Variants in EXOSC4 observed in about 807,000 individuals in gnomAD.
The protein encoded by EXOSC4 is exosome component 4, also known as exosome complex component RRP41.
A neutral mutation model predicts 20.0 loss-of-function variants in EXOSC4; 14 were observed. That is an observed-to-expected ratio of 0.70 (90% CI 0.46 to 1.09). The LOEUF (loss-of-function observed/expected upper bound fraction) is 1.09. Ranked by LOEUF, EXOSC4 falls within the 50% of genes least tolerant of loss-of-function variation. The pLI, the probability that EXOSC4 is intolerant of heterozygous loss-of-function variation, is 0.00. For missense variants in EXOSC4, 337 were observed against 334.0 expected, an observed-to-expected ratio of 1.01 and a Z score of -0.07; for synonymous variants, 148 against 146.4, an observed-to-expected ratio of 1.01 and a Z score of -0.08.
chr8:144,072,381 A>G, the EXOSC4 span, among the ~76,000 whole-genome samples: 1 of 152,162 alleles, frequency 6.6e-6, no homozygotes, highest in African/African-American at 2.4e-5. Context: ...GGATTTCACC[A>G]TGGTGGCCAG....
upstream of EXOSC4, among the ~76,000 whole-genome samples, chr8:144,075,113 A>C (rs1835824675): frequency 6.6e-6 from 1 of 152,126 alleles, no homozygotes; most frequent in Non-Finnish European, 1.5e-5. Context: ...CCCAGGCTGG[A>C]GTGCAGTGGT....
the EXOSC4 span, among the ~76,000 whole-genome samples, chr8:144,067,553 A>G: frequency 6.6e-6 from 1 of 152,244 alleles, no homozygotes. Context: ...CATCACATAT[A>G]AGAGAACCCC....
chr8:144,067,099 A>C, the EXOSC4 span, among the ~76,000 whole-genome samples: 1 of 152,102 alleles, frequency 6.6e-6, no homozygotes, highest in Non-Finnish European at 1.5e-5. Flanking sequence ...AAAACAAAAA[A>C]ACAAAAAAAA....
the EXOSC4 span, among the ~76,000 whole-genome samples, chr8:144,064,406 T>G: frequency 6.6e-6 from 1 of 151,976 alleles, no homozygotes; most frequent in African/African-American, 2.4e-5. Context: ...TCAGGAAGGG[T>G]GGGTGCGTGG....
chr8:144,074,714 G>T (rs1380137945), upstream of EXOSC4, among the ~76,000 whole-genome samples: 2 of 152,138 alleles, frequency 1.3e-5, no homozygotes, highest in Non-Finnish European at 2.9e-5. Context: ...GGAACTACAG[G>T]CGTGTGCCAC....
At chr8:144,067,468 A>C in the EXOSC4 span, among the ~76,000 whole-genome samples, 13 of 152,216 alleles carry the variant, frequency 8.5e-5, no homozygotes, top group Non-Finnish European at 1.2e-4. Context: ...CCAGGAGTTG[A>C]CATATCATGG....
the EXOSC4 span, among the ~76,000 whole-genome samples, chr8:144,066,436 CTTTTTTTTTT>C: frequency 1.0e-5 from 1 of 98,062 alleles, no homozygotes; most frequent in East Asian, 3.0e-4. Context: ...GAGTTTTTCT[CTTTTTTTTTT>C]TTTTTTTTTT....
At chr8:144,072,308 G>A in the EXOSC4 span, among the ~76,000 whole-genome samples, 1 of 152,198 alleles carries the variant, frequency 6.6e-6, no homozygotes, top group Non-Finnish European at 1.5e-5. Context: ...AGCCTCCCAA[G>A]TAACTGGGAT....
chr8:144,078,902 G>T lies in EXOSC4; in HGVS notation c.171+3G>T. ...CTGTGGTCTACGGCCCGCACGAGGC[G>T]AGTGGGCGCGCGGGATGGGGAATCG... On this transcript the variant is annotated splice_donor_region_variant and intron_variant, in intron 1 of 2. Coordinates refer to ENST00000316052, the MANE Select transcript of EXOSC4 (RefSeq NM_019037.3). This position sits in a 1 kb window ranked among gnomAD's most constrained non-coding sequence, Gnocchi z 4.7. 1.4e-6 allele frequency: 2 copies of T among 1,466,954 alleles called. No individual in the cohort carries two copies. Among genetic ancestry groups the T allele is most frequent in the African/African-American group, 1.5e-5 (1 of 68,316 alleles). 90.9% of individuals were successfully genotyped at this position (1,466,954 alleles called of 1,614,324 possible). A position where few individuals can be genotyped will look rare whatever the true frequency, so the allele number is the denominator to read the frequency against.
rs782647207 is a variant in EXOSC4 at position 144,078,785 on chromosome 8, C to T, written c.57C>T (p.Ala19=). The T allele has an allele frequency of 7.7e-6, 12 of 1,551,196 alleles. No individual in the cohort carries two copies. The highest frequency in any genetic ancestry group is 4.2e-5 in the African/African-American group (3 of 71,028). ...GCTACCGGGTGGACGGGCGGCGCGCCGGGGAGCTGCGCAAGATCCAGGCGC... is the reference window on the plus strand; with the variant it reads ...GCTACCGGGTGGACGGGCGGCGCGCTGGGGAGCTGCGCAAGATCCAGGCGC... The part of the protein sequence containing the change: ...DQGYRVDGRR[A]GELRKIQARM... Residue 19 remains alanine, a synonymous_variant, in exon 1 of 3, where the codon GCC becomes GCT. Transcript: ENST00000316052. The surrounding 1 kb of genome is among the most constrained non-coding windows in gnomAD (Gnocchi z 4.7).
At chr8:144,075,365 T>TA (rs1398540731), upstream of EXOSC4, among the ~76,000 whole-genome samples, 1 of 152,158 alleles carries the variant, frequency 6.6e-6, no homozygotes, top group Non-Finnish European at 1.5e-5. Flanking sequence ...TAGCTGGGAC[T>TA]ACAGGTGCCC....
Position 144,078,829 on chromosome 8 carries a change from A to T in EXOSC4, c.101A>T (p.Gln34Leu). 1 of 1,581,350 alleles carries T rather than the reference A, an allele frequency of 6.3e-7. No homozygotes were observed. The highest frequency in any genetic ancestry group is 8.6e-7 in the Non-Finnish European group (1 of 1,166,484). ...KIQARMGVFAQADGSAYIEQG... is the reference protein window; with the variant it reads ...KIQARMGVFALADGSAYIEQG... The stretch of plus-strand genomic sequence containing the variant: ...CAGGCGCGGATGGGCGTGTTCGCGC[A>T]GGCTGACGGCTCGGCCTACATTGAG... Residue 34 changes from glutamine (Q) to leucine (L), a missense_variant, in exon 1 of 3, where the codon CAG becomes CTG. Transcript: ENST00000316052. The surrounding 1 kb of genome is among the most constrained non-coding windows in gnomAD (Gnocchi z 4.7).
At chr8:144,076,378 T>C (rs13254858), upstream of EXOSC4, among the ~76,000 whole-genome samples, 156 of 152,208 alleles carry the variant, frequency 1.0e-3, no homozygotes, top group Non-Finnish European at 2.1e-3. Flanking sequence ...TGAGTCCTTC[T>C]AGCAAATCGG....
the EXOSC4 span, among the ~76,000 whole-genome samples, chr8:144,066,974 C>G: frequency 6.6e-6 from 1 of 152,062 alleles, no homozygotes; most frequent in South Asian, 2.1e-4. Flanking sequence ...GTAATCCCAG[C>G]TACTCGGGAG....
chr8:144,065,890 C>A, the EXOSC4 span, among the ~76,000 whole-genome samples: 1 of 149,084 alleles, frequency 6.7e-6, no homozygotes, highest in Non-Finnish European at 1.5e-5. Flanking sequence ...CTCATCGAAG[C>A]CTTGACCTCC....
Position 144,080,616 on chromosome 8 carries a change from A to G in EXOSC4, c.*15A>G, listed in dbSNP as rs781872196. The stretch of plus-strand genomic sequence containing the variant: ...TGGGGGACTGACCACCCAGCCACCC[A>G]TGTCCAGAATAAAACCCTCCTCTGC... On this transcript the variant is annotated 3_prime_UTR_variant, in exon 3 of 3. Coordinates refer to ENST00000316052, the MANE Select transcript of EXOSC4 (RefSeq NM_019037.3). This position sits in a 1 kb window ranked among gnomAD's most constrained non-coding sequence, Gnocchi z 4.9. The G allele has an allele frequency of 1.8e-5, 29 of 1,593,308 alleles. No individual in the cohort carries two copies. In the South Asian group the frequency reaches 3.0e-4, roughly 16 times the overall value.
intron 1 of EXOSC4, 128 bp downstream of exon 1, chr8:144,079,027 A>G (rs1835867956): frequency 1.9e-6 from 2 of 1,074,592 alleles, no homozygotes; most frequent in South Asian, 2.2e-5. Context: ...GATGCTCAGC[A>G]CCGCATCTCA....
At chr8:144,069,354 G>A in the EXOSC4 span, among the ~76,000 whole-genome samples, 14 of 152,196 alleles carry the variant, frequency 9.2e-5, no homozygotes, top group Non-Finnish European at 1.8e-4. Context: ...GAGTCTTATG[G>A]GGCTAAAATC....
upstream of EXOSC4, among the ~76,000 whole-genome samples, chr8:144,074,682 C>A (rs1442893255): frequency 6.6e-6 from 1 of 152,158 alleles, no homozygotes; most frequent in African/African-American, 2.4e-5. Context: ...GCCACCCTCC[C>A]GTCTCAGTCT....
Sources: allele counts gnomAD v4.1 joint callset (sites outside exome capture counted in the v4.1 genomes callset), GRCh38; gene constraint gnomAD v4.1.1; non-coding constraint Gnocchi (gnomAD v3.1); transcripts MANE v1.5; gene names NCBI Gene and HGNC (gene_info 2026-07-23, HGNC 2026-07-21).